ANO4: variants seen among roughly 807,000 people sequenced by gnomAD.
ANO4 encodes anoctamin 4.
In ANO4, 69 loss-of-function variants were observed where a neutral mutation model predicts 141.9. The ratio of observed to expected loss-of-function variants is 0.49; its 90% CI spans 0.40 to 0.59. The LOEUF is 0.59. Among genes scored for constraint, ANO4 ranks in the 20% least tolerant of loss-of-function variants. The pLI is 0.00. For synonymous variants in ANO4, 350 were observed against 394.3 expected, an observed-to-expected ratio of 0.89 and a Z score of 1.33; for missense variants, 894 against 1,162.2, an observed-to-expected ratio of 0.77 and a Z score of 3.36.
At chr12:100,981,429 G>C (rs1313519234) in intron 7 of ANO4, among the ~76,000 whole-genome samples, 4 of 148,764 alleles carry the variant, frequency 2.7e-5, no homozygotes, top group Non-Finnish European at 6.0e-5. Context: ...CTGAAAGAAA[G>C]AAAAGGAGGG....
At chr12:101,077,946 T>TTATATATATATATATA in intron 14 of ANO4, among the ~76,000 whole-genome samples, 1 of 152,294 alleles carries the variant, frequency 6.6e-6, no homozygotes, top group African/African-American at 2.4e-5. Flanking sequence ...TTGCCAACAG[T>TTATATATATATATATA]AGCACAGCTT....
At chr12:100,813,221 G>A (rs947699381) in intron 1 of ANO4, among the ~76,000 whole-genome samples, 1 of 152,104 alleles carries the variant, frequency 6.6e-6, no homozygotes, top group African/African-American at 2.4e-5. Flanking sequence ...ATTTCCAGGG[G>A]AAGCATGGGA....
intron 21 of ANO4, among the ~76,000 whole-genome samples, chr12:101,098,359 C>T (rs2050066192): frequency 6.6e-6 from 1 of 152,202 alleles, no homozygotes; most frequent in South Asian, 2.1e-4. Flanking sequence ...CTTGCATCAA[C>T]TTGGTAAGGA....
chr12:100,935,993 C>T (rs546436206), intron 3 of ANO4, among the ~76,000 whole-genome samples: 7 of 152,272 alleles, frequency 4.6e-5, no homozygotes, highest in African/African-American at 7.2e-5. Context: ...TTACTGACCA[C>T]GGGTTCAGCT....
intron 3 of ANO4, among the ~76,000 whole-genome samples, chr12:100,755,287 T>G (rs998181579): frequency 6.6e-6 from 1 of 152,158 alleles, no homozygotes; most frequent in Admixed American, 6.6e-5. Context: ...TTTCCCTTCT[T>G]TCTTGCTTGG....
chr12:101,122,703 T>G (rs1333342941), intron 26 of ANO4, among the ~76,000 whole-genome samples: 1 of 152,164 alleles, frequency 6.6e-6, no homozygotes, highest in East Asian at 1.9e-4. Flanking sequence ...TGTCTCCAAT[T>G]ATTGCCATCA....
intron 1 of ANO4, among the ~76,000 whole-genome samples, chr12:100,892,716 A>G (rs1387722832): frequency 6.6e-6 from 1 of 152,188 alleles, no homozygotes; most frequent in East Asian, 1.9e-4. Flanking sequence ...TACAATGTAA[A>G]TGATATGTAA....
intron 10 of ANO4, among the ~76,000 whole-genome samples, chr12:101,037,592 ATGT>A (rs1218992172): frequency 1.3e-5 from 2 of 152,178 alleles, no homozygotes; most frequent in African/African-American, 4.8e-5. Context: ...AAAATTAATA[ATGT>A]TGTACTCATC....
intron 3 of ANO4, among the ~76,000 whole-genome samples, chr12:100,933,581 C>T (rs2042168257): frequency 2.6e-5 from 4 of 152,190 alleles, no homozygotes; most frequent in Admixed American, 2.6e-4. Flanking sequence ...AATAAACATA[C>T]ATGAGCATGT....
At chr12:101,014,809 C>G (rs1441510819) in intron 8 of ANO4, among the ~76,000 whole-genome samples, 1 of 152,062 alleles carries the variant, frequency 6.6e-6, no homozygotes, top group East Asian at 1.9e-4. Context: ...AATGTGCTTT[C>G]CTTTTAAGTT....
chr12:101,050,368 T>G (rs116969655), intron 14 of ANO4, among the ~76,000 whole-genome samples: 1 of 152,206 alleles, frequency 6.6e-6, no homozygotes, highest in Non-Finnish European at 1.5e-5. Flanking sequence ...TTGGTGGACC[T>G]TGTGAAAAGC....
At chr12:100,896,368 T>C (rs145757894) in intron 1 of ANO4, among the ~76,000 whole-genome samples, 5 of 151,588 alleles carry the variant, frequency 3.3e-5, no homozygotes, top group African/African-American at 1.2e-4. Flanking sequence ...GGAGTGATGT[T>C]GTCACAAGGC....
At chr12:100,975,498 C>T (rs183337419) in intron 7 of ANO4, among the ~76,000 whole-genome samples, 137 of 150,662 alleles carry the variant, frequency 9.1e-4, no homozygotes, top group African/African-American at 3.3e-3. Flanking sequence ...CTCCGCTAAC[C>T]GCAACCTCCG....
chr12:101,124,325 T>A (rs2051218968), intron 26 of ANO4, among the ~76,000 whole-genome samples: 1 of 152,210 alleles, frequency 6.6e-6, no homozygotes, highest in Non-Finnish European at 1.5e-5. Context: ...GCTTGGTATT[T>A]TTTTTGTAGA....
intron 14 of ANO4, among the ~76,000 whole-genome samples, chr12:101,067,458 G>A (rs779349932): frequency 6.6e-6 from 1 of 152,222 alleles, no homozygotes; most frequent in Non-Finnish European, 1.5e-5. Flanking sequence ...TGAGGTGGAT[G>A]GATTACTGAG....
chr12:100,979,327 C>A (rs1168751144), intron 7 of ANO4, among the ~76,000 whole-genome samples: 9 of 152,068 alleles, frequency 5.9e-5, no homozygotes, highest in Non-Finnish European at 1.5e-5. Context: ...TTTAAAAACA[C>A]GGATCACTGG....
At chr12:101,016,922 C>T (rs7976883) in intron 8 of ANO4, among the ~76,000 whole-genome samples, 45,318 of 152,068 alleles carry the variant, frequency 0.3, 7,446 homozygotes, top group Non-Finnish European at 0.38. Context: ...GCCCTAAAAC[C>T]ACATCATAGG....
At chr12:100,869,720 C>G (rs1473750210) in intron 1 of ANO4, among the ~76,000 whole-genome samples, 1 of 152,152 alleles carries the variant, frequency 6.6e-6, no homozygotes, top group Admixed American at 6.5e-5. Context: ...TTTTTCTATG[C>G]GTGCTCTCAA....
At chr12:100,868,608 C>T (rs935508500) in intron 1 of ANO4, among the ~76,000 whole-genome samples, 5 of 152,086 alleles carry the variant, frequency 3.3e-5, no homozygotes, top group African/African-American at 1.2e-4. Context: ...CCATTTCAGC[C>T]ACCCCCATCC....
Sources: gnomAD v4.1 joint callset for allele counts (sites outside exome capture counted in the v4.1 genomes callset) on GRCh38, gnomAD v4.1.1 for gene constraint, MANE v1.5 for transcripts, NCBI Gene and HGNC (gene_info 2026-07-23, HGNC 2026-07-21) for gene names.